ANGPT1: variants seen among roughly 807,000 people sequenced by gnomAD.
The protein encoded by ANGPT1 is angiopoietin 1.
Under a neutral mutation model 62.2 loss-of-function variants are expected in ANGPT1, and 17 were observed. The ratio of observed to expected loss-of-function variants is 0.27; its 90% CI spans 0.19 to 0.41. The LOEUF is 0.41. Among genes scored for constraint, ANGPT1 ranks in the 10% least tolerant of loss-of-function variants. The pLI is 1.00. For missense variants in ANGPT1, 478 were observed against 594.9 expected, an observed-to-expected ratio of 0.80 and a Z score of 2.04; for synonymous variants, 199 against 198.9, an observed-to-expected ratio of 1.00 and a Z score of 0.00.
chr8:107,370,176 G>GAAAGAAAGAGAGTAAGAAGAAAGAAAGA (rs1291848259), intron 1 of ANGPT1, among the ~76,000 whole-genome samples: 2 of 86,088 alleles, frequency 2.3e-5, no homozygotes, highest in Non-Finnish European at 4.7e-5. Flanking sequence ...AAGAGAGAAA[G>GAAAGAAAGAGAGTAAGAAGAAAGAAAGA]AAGAAAGAAA....
intron 1 of ANGPT1, among the ~76,000 whole-genome samples, chr8:107,436,629 A>G (rs1811343201): frequency 6.6e-6 from 1 of 152,170 alleles, no homozygotes; most frequent in Non-Finnish European, 1.5e-5. Flanking sequence ...TATCGTCTGC[A>G]GATGTACTTC....
chr8:107,484,450 G>A (rs1015489934), intron 1 of ANGPT1, among the ~76,000 whole-genome samples: 1 of 152,068 alleles, frequency 6.6e-6, no homozygotes, highest in Non-Finnish European at 1.5e-5. Context: ...CACCCAGACT[G>A]GAGTGCAGTG....
chr8:107,401,754 A>C (rs554512296), intron 1 of ANGPT1, among the ~76,000 whole-genome samples: 25 of 152,340 alleles, frequency 1.6e-4, no homozygotes, highest in Admixed American at 9.1e-4. Flanking sequence ...CACTGCAACA[A>C]ACATATATGT....
chr8:107,302,952 A>T (rs1814628801), intron 5 of ANGPT1, among the ~76,000 whole-genome samples: 1 of 151,870 alleles, frequency 6.6e-6, no homozygotes, highest in Non-Finnish European at 1.5e-5. Flanking sequence ...ACATGACCTC[A>T]ACATGTAATC....
rs755606824 is a variant in ANGPT1, at chr8:107,252,032, T to C, written c.1337-17A>G. The C allele has an allele frequency of 5.6e-6, 9 of 1,608,084 alleles. No individual in the cohort carries two copies. Among genetic ancestry groups the C allele is most frequent in the East Asian group, 4.5e-5 (2 of 44,792 alleles). ...ACCACCATCCTGAAAAAATAATTCA[T>C]AATAGAAGAGAGAAGGAGAGGCAAC... On this transcript the variant is annotated splice_polypyrimidine_tract_variant and intron_variant, in intron 8 of 8. Transcript: ENST00000517746.
chr8:107,260,434 A>C (rs1330633366), intron 8 of ANGPT1, among the ~76,000 whole-genome samples: 1 of 152,098 alleles, frequency 6.6e-6, no homozygotes, highest in Non-Finnish European at 1.5e-5. Flanking sequence ...TGCTTAAGAG[A>C]GGGTATTTTA....
At chr8:107,297,285 G>A (rs1814438935) in intron 5 of ANGPT1, among the ~76,000 whole-genome samples, 1 of 152,000 alleles carries the variant, frequency 6.6e-6, no homozygotes, top group Admixed American at 6.6e-5. Context: ...GCACAATGGA[G>A]CTGAATGACA....
At chr8:107,265,292 A>C (rs1239173128) in intron 7 of ANGPT1, among the ~76,000 whole-genome samples, 1 of 152,172 alleles carries the variant, frequency 6.6e-6, no homozygotes, top group African/African-American at 2.4e-5. Context: ...AGACTGTCCA[A>C]AGAGAACATT....
chr8:107,331,595 AACTT>A (rs1305571729), intron 3 of ANGPT1, among the ~76,000 whole-genome samples: 1 of 152,194 alleles, frequency 6.6e-6, no homozygotes, highest in Non-Finnish European at 1.5e-5. Flanking sequence ...GGTCATAAGC[AACTT>A]ACTTGATTTC....
At chr8:107,397,907 A>G (rs1385113083) in intron 1 of ANGPT1, among the ~76,000 whole-genome samples, 5 of 152,176 alleles carry the variant, frequency 3.3e-5, no homozygotes, top group African/African-American at 9.7e-5. Flanking sequence ...CTACTTGTTC[A>G]TACACGGAAG....
At chr8:107,492,078 G>T (rs1281802259) in intron 1 of ANGPT1, among the ~76,000 whole-genome samples, 2 of 152,134 alleles carry the variant, frequency 1.3e-5, no homozygotes, top group Non-Finnish European at 2.9e-5. Flanking sequence ...ATTCTAAAAT[G>T]TAACAAGCAA....
chr8:107,339,905 C>T (rs937907419), intron 2 of ANGPT1, among the ~76,000 whole-genome samples: 2 of 152,154 alleles, frequency 1.3e-5, no homozygotes, highest in African/African-American at 4.8e-5. Flanking sequence ...GGAAGGAGTC[C>T]AATATCAGAA....
At chr8:107,255,127 C>A (rs986995712) in intron 8 of ANGPT1, among the ~76,000 whole-genome samples, 1 of 152,058 alleles carries the variant, frequency 6.6e-6, no homozygotes, top group African/African-American at 2.4e-5. Flanking sequence ...CAAAATGCTA[C>A]ACATTGAGAT....
chr8:107,457,109 A>G (rs2130467388), intron 1 of ANGPT1, among the ~76,000 whole-genome samples: 1 of 152,210 alleles, frequency 6.6e-6, no homozygotes, highest in South Asian at 2.1e-4. Context: ...CTCTACTAGT[A>G]TGAAGAATAA....
chr8:107,399,555 C>T (rs796867457), intron 1 of ANGPT1, among the ~76,000 whole-genome samples: 7 of 152,078 alleles, frequency 4.6e-5, no homozygotes, highest in East Asian at 3.9e-4. Flanking sequence ...AGGTGATTCA[C>T]GGTCTCACAG....
intron 1 of ANGPT1, among the ~76,000 whole-genome samples, chr8:107,371,604 T>A (rs1816415439): frequency 7.3e-6 from 1 of 137,566 alleles, no homozygotes; most frequent in African/African-American, 2.7e-5. Flanking sequence ...TTGGACAGAG[T>A]CTAGTCCTGT....
intron 2 of ANGPT1, among the ~76,000 whole-genome samples, chr8:107,339,510 A>C (rs577720919): frequency 9.8e-5 from 15 of 152,296 alleles, no homozygotes; most frequent in Admixed American, 9.8e-4. Flanking sequence ...ATCATCTTAG[A>C]GAGTCCCTTT....
At chr8:107,371,832 T>G (rs1309904655) in intron 1 of ANGPT1, among the ~76,000 whole-genome samples, 4 of 152,152 alleles carry the variant, frequency 2.6e-5, no homozygotes, top group Admixed American at 2.6e-4. Context: ...TAACTTCTCA[T>G]TACCTTAATT....
chr8:107,299,415 ATATAT>A (rs1814502121), intron 5 of ANGPT1, among the ~76,000 whole-genome samples: 2 of 142,626 alleles, frequency 1.4e-5, no homozygotes, highest in South Asian at 4.4e-4. Flanking sequence ...ATATATATAT[ATATAT>A]AAACATACAT....
Sources: allele counts gnomAD v4.1 joint callset (sites outside exome capture counted in the v4.1 genomes callset), GRCh38; gene constraint gnomAD v4.1.1; transcripts MANE v1.5; gene names NCBI Gene and HGNC (gene_info 2026-07-23, HGNC 2026-07-21).